HS6ST3: variants seen among roughly 807,000 people sequenced by gnomAD.
HS6ST3 encodes heparan-sulfate 6-O-sulfotransferase 3.
In HS6ST3, 12 loss-of-function variants were observed where a neutral mutation model predicts 36.7. The observed-to-expected ratio is 0.33, with a 90% confidence interval of 0.21 to 0.53. The LOEUF (loss-of-function observed/expected upper bound fraction) is 0.53, where lower values mean the gene tolerates loss of function less well. Among genes scored for constraint, HS6ST3 ranks in the 20% least tolerant of loss-of-function variants. The probability of loss-of-function intolerance (pLI) is 0.95; values close to 1 mark genes in which losing one functional copy is unlikely to be tolerated. For synonymous variants in HS6ST3, 240 were observed against 257.5 expected (o/e 0.93, Z 0.65); for missense variants, 584 against 640.9 (o/e 0.91, Z 0.96).
At chr13:96,626,158 T>C (rs2056511650) in intron 1 of HS6ST3, among the ~76,000 whole-genome samples, 1 of 152,152 alleles carries the variant, frequency 6.6e-6, no homozygotes, top group African/African-American at 2.4e-5. Context: ...GAGAAATTCT[T>C]AATTTTAGCA....
At chr13:96,571,790 A>G (rs1277887511) in intron 1 of HS6ST3, among the ~76,000 whole-genome samples, 2 of 152,220 alleles carry the variant, frequency 1.3e-5, no homozygotes, top group East Asian at 3.9e-4. Context: ...AAAAGAGTCA[A>G]AGATAGTTTG....
chr13:96,293,251 T>A (rs1157804069), intron 1 of HS6ST3, among the ~76,000 whole-genome samples: 1 of 152,154 alleles, frequency 6.6e-6, no homozygotes, highest in East Asian at 1.9e-4. Flanking sequence ...TAGCTACTGA[T>A]GATGTTTTGC....
rs769856348 is a variant in HS6ST3 at position 96,138,380 on chromosome 13, TATATATGTTTACAGTTTATAA to T, written c.707+46818_707+46838del. Among the ~76,000 whole-genome samples the T allele has an allele frequency of 3.9e-3, 585 of 148,562 alleles. 1 individual carries two copies. The highest frequency in any genetic ancestry group is 0.018 in the Middle Eastern group (5 of 282). On this transcript the variant is annotated intron_variant, in intron 1 of 1. Transcript: ENST00000376705. ...ATGGTTGATATATAACATATATAAA[TATATATGTTTACAGTTTATAA>T]ATATATATTTACAGTTTATAAATAT...
chr13:96,309,779 C>T (rs2054931379), intron 1 of HS6ST3, among the ~76,000 whole-genome samples: 1 of 151,976 alleles, frequency 6.6e-6, no homozygotes, highest in Non-Finnish European at 1.5e-5. Flanking sequence ...ATCGTATGTT[C>T]CTATTCAACA....
At chr13:96,354,424 C>G (rs1370957208) in intron 1 of HS6ST3, among the ~76,000 whole-genome samples, 1 of 152,042 alleles carries the variant, frequency 6.6e-6, no homozygotes, top group Non-Finnish European at 1.5e-5. Context: ...GAAAAAAAAT[C>G]TTAATTTCAA....
intron 1 of HS6ST3, among the ~76,000 whole-genome samples, chr13:96,627,180 T>C (rs2056515943): frequency 6.6e-6 from 1 of 152,108 alleles, no homozygotes; most frequent in Admixed American, 6.5e-5. Context: ...CTCTCAAAAG[T>C]AAAGGTGTTT....
intron 1 of HS6ST3, among the ~76,000 whole-genome samples, chr13:96,098,510 T>C (rs1258544521): frequency 6.6e-6 from 1 of 152,070 alleles, no homozygotes; most frequent in East Asian, 1.9e-4. Flanking sequence ...GTGACCGTAA[T>C]TGGGGTAATG....
At chr13:96,283,829 C>T (rs2054787148) in intron 1 of HS6ST3, among the ~76,000 whole-genome samples, 1 of 152,110 alleles carries the variant, frequency 6.6e-6, no homozygotes, top group Admixed American at 6.6e-5. Flanking sequence ...GCAGTTCGTC[C>T]ATAGCGGGAC....
intron 1 of HS6ST3, among the ~76,000 whole-genome samples, chr13:96,112,456 G>T (rs1594680151): frequency 2.6e-5 from 4 of 151,110 alleles, no homozygotes; most frequent in Admixed American, 2.6e-4. Context: ...AAACAGGTCA[G>T]ATGTGGTGGC....
intron 1 of HS6ST3, among the ~76,000 whole-genome samples, chr13:96,495,938 G>T (rs1040152956): frequency 6.6e-5 from 10 of 152,194 alleles, no homozygotes; most frequent in Non-Finnish European, 1.3e-4. Context: ...CAAGACAGGC[G>T]TGAGCAGCAT....
chr13:96,687,185 TC>T (rs1372685430), intron 1 of HS6ST3, among the ~76,000 whole-genome samples: 1 of 151,930 alleles, frequency 6.6e-6, no homozygotes, highest in Non-Finnish European at 1.5e-5. Context: ...TAAAAAATAA[TC>T]TGTACGGTGA....
intron 1 of HS6ST3, among the ~76,000 whole-genome samples, chr13:96,769,029 G>T (rs1410259767): frequency 6.6e-6 from 1 of 151,978 alleles, no homozygotes; most frequent in Non-Finnish European, 1.5e-5. Flanking sequence ...GCCATTTGGG[G>T]GACACTGCCC....
intron 1 of HS6ST3, among the ~76,000 whole-genome samples, chr13:96,465,571 T>C (rs1297575416): frequency 2.6e-5 from 4 of 152,100 alleles, no homozygotes; most frequent in African/African-American, 9.7e-5. Flanking sequence ...AACCCACAGG[T>C]GGCAAAACAG....
At chr13:96,441,730 T>C (rs146987118) in intron 1 of HS6ST3, among the ~76,000 whole-genome samples, 1 of 152,248 alleles carries the variant, frequency 6.6e-6, no homozygotes, top group Non-Finnish European at 1.5e-5. Flanking sequence ...CTTCTAAAGG[T>C]AAAAATATTA....
chr13:96,179,939 C>T lies in HS6ST3; in HGVS notation c.707+88370C>T, dbSNP rs147313870. Among the ~76,000 whole-genome samples the T allele has an allele frequency of 3.9e-4, 60 of 152,258 alleles. 1 individual carries two copies. The highest frequency in any genetic ancestry group is 3.4e-3 in the Middle Eastern group (1 of 294). On this transcript the variant is annotated intron_variant, in intron 1 of 1. Transcript: ENST00000376705. ...CTGCCTCCCAGGTTCAAGCGATTTT[C>T]CTGCCTCAGCCTACCGAGTAACTGG...
At chr13:96,562,586 C>T (rs937809830) in intron 1 of HS6ST3, among the ~76,000 whole-genome samples, 3 of 152,106 alleles carry the variant, frequency 2.0e-5, no homozygotes, top group African/African-American at 4.8e-5. Context: ...TAATTTTAAA[C>T]TGCCTTTATC....
rs397773858 is a variant in HS6ST3 at position 96,112,578 on chromosome 13, A to AATATACATATATATATATAT, written c.707+21014_707+21015insCATATATATATATATATATA. 7.1e-3 allele frequency among the ~76,000 whole-genome samples: 576 copies of AATATACATATATATATATAT among 81,216 alleles called. 201 individuals are homozygous for AATATACATATATATATATAT. The highest frequency in any genetic ancestry group is 0.012 in the Middle Eastern group (2 of 166). 53.3% of individuals were successfully genotyped at this position (81,216 alleles called of 152,430 possible). ...TAAAACCCCATCTCTAAAATAAATA[A>AATATACATATATATATATAT]ATATATATATATATATATATATATA... On this transcript the variant is annotated intron_variant, in intron 1 of 1. Coordinates refer to ENST00000376705, the MANE Select transcript of HS6ST3 (RefSeq NM_153456.4).
chr13:96,694,777 C>T (rs1255281697), intron 1 of HS6ST3, among the ~76,000 whole-genome samples: 1 of 152,052 alleles, frequency 6.6e-6, no homozygotes, highest in Non-Finnish European at 1.5e-5. Flanking sequence ...ATTTGCATTT[C>T]TCTAATGATC....
At chr13:96,419,813 T>C (rs1360427903) in intron 1 of HS6ST3, among the ~76,000 whole-genome samples, 1 of 152,156 alleles carries the variant, frequency 6.6e-6, no homozygotes, top group Non-Finnish European at 1.5e-5. Flanking sequence ...TCTCCTCGTG[T>C]TTGTGTCCAC....
Sources: gnomAD v4.1 joint callset for allele counts (sites outside exome capture counted in the v4.1 genomes callset) on GRCh38, gnomAD v4.1.1 for gene constraint, MANE v1.5 for transcripts, NCBI Gene and HGNC (gene_info 2026-07-23, HGNC 2026-07-21) for gene names.